RGL1: variants seen among roughly 807,000 people sequenced by gnomAD.
RGL1 encodes the protein ral guanine nucleotide dissociation stimulator-like 1.
RGL1 carries 24 observed loss-of-function variants against 95.2 expected under a neutral mutation model. That is an observed-to-expected ratio of 0.25 (90% CI 0.18 to 0.35). The LOEUF is 0.35. Ranked by LOEUF, RGL1 falls within the 10% of genes least tolerant of loss-of-function variation. RGL1 has a pLI of 1.00. For synonymous variants in RGL1, 329 were observed against 344.9 expected (o/e 0.95, Z 0.51); for missense variants, 715 against 936.3 (o/e 0.76, Z 3.08).
At chr1:183,677,182 A>G (rs994348403) in intron 1 of RGL1, among the ~76,000 whole-genome samples, 6 of 150,968 alleles carry the variant, frequency 4.0e-5, no homozygotes, top group African/African-American at 1.5e-4. Flanking sequence ...CTTATTCCAA[A>G]TCGTATTTTT....
intron 2 of RGL1, among the ~76,000 whole-genome samples, chr1:183,777,271 A>G (rs1659652998): frequency 6.6e-6 from 1 of 152,246 alleles, no homozygotes; most frequent in Non-Finnish European, 1.5e-5. Flanking sequence ...ATTTTCTTGC[A>G]TCAGATGGAT....
chr1:183,782,545 G>C (rs1249764311), intron 2 of RGL1, among the ~76,000 whole-genome samples: 1 of 152,068 alleles, frequency 6.6e-6, no homozygotes, highest in Non-Finnish European at 1.5e-5. Context: ...TCATGGCCTG[G>C]GATTTGGCAC....
At chr1:183,675,233 G>C (rs553528980) in intron 1 of RGL1, among the ~76,000 whole-genome samples, 2 of 151,998 alleles carry the variant, frequency 1.3e-5, no homozygotes, top group Non-Finnish European at 2.9e-5. Context: ...TAGAGCTTTA[G>C]ACTTTATTTT....
At chr1:183,726,311 AAC>A (rs1488140051) in intron 1 of RGL1, among the ~76,000 whole-genome samples, 1 of 152,030 alleles carries the variant, frequency 6.6e-6, no homozygotes, top group African/African-American at 2.4e-5. Flanking sequence ...GAAATAGAGA[AAC>A]AGTGAAGAAC....
At chr1:183,835,239 T>TTTTACAAGTCAGAA (rs144179627) in intron 2 of RGL1, among the ~76,000 whole-genome samples, 13,630 of 152,050 alleles carry the variant, frequency 0.09, 646 homozygotes, top group South Asian at 0.11. Flanking sequence ...TTAAATGTTT[T>TTTTACAAGTCAGAA]TTTACAAGTC....
intron 2 of RGL1, among the ~76,000 whole-genome samples, chr1:183,839,750 C>T (rs1663910480): frequency 6.6e-6 from 1 of 152,198 alleles, no homozygotes; most frequent in Non-Finnish European, 1.5e-5. Flanking sequence ...CCTGCTGGCT[C>T]TCCAGCCAAA....
chr1:183,736,984 G>T (rs552597962), intron 1 of RGL1, among the ~76,000 whole-genome samples: 3 of 152,022 alleles, frequency 2.0e-5, no homozygotes, highest in African/African-American at 7.3e-5. Context: ...AAAAAATAAC[G>T]ATTTGTGAGG....
chr1:183,892,294 T>C, intron 9 of RGL1, 133 bp downstream of exon 9: 2 of 619,688 alleles, frequency 3.2e-6, no homozygotes, highest in South Asian at 5.0e-5. Flanking sequence ...GGCAAAAAAT[T>C]TTTTTAAATG....
chr1:183,918,593 C>T (rs1669130909), intron 16 of RGL1, among the ~76,000 whole-genome samples: 1 of 152,208 alleles, frequency 6.6e-6, no homozygotes, highest in African/African-American at 2.4e-5. Flanking sequence ...ACTGCACAAA[C>T]CTCTACTGCC....
chr1:183,725,017 C>T (rs775406518), intron 1 of RGL1, among the ~76,000 whole-genome samples: 13 of 151,886 alleles, frequency 8.6e-5, no homozygotes, highest in Non-Finnish European at 1.6e-4. Flanking sequence ...GAGAAAGAAA[C>T]GGACTCTGTT....
intron 1 of RGL1, among the ~76,000 whole-genome samples, chr1:183,696,662 T>G (rs1258194727): frequency 6.6e-6 from 1 of 152,210 alleles, no homozygotes; most frequent in African/African-American, 2.4e-5. Flanking sequence ...CAACCTCTTG[T>G]AAATATCTGA....
chr1:183,830,932 A>C (rs180771504), intron 2 of RGL1, among the ~76,000 whole-genome samples: 12 of 152,306 alleles, frequency 7.9e-5, no homozygotes, highest in African/African-American at 2.6e-4. Flanking sequence ...AATAATATGC[A>C]ATTTACTTAC....
chr1:183,690,837 G>A lies in RGL1; in HGVS notation c.-32-51289G>A, dbSNP rs144385874. On this transcript the variant is annotated intron_variant, in intron 1 of 18. Coordinates refer to the RGL1 transcript ENST00000304685. ...TAGTTTTGCTTTTTATACTTAGCAC[G>A]TTAGCATATTTGAAGTTTATGACAT... Among the ~76,000 whole-genome samples the A allele has an allele frequency of 3.0e-3, 459 of 152,010 alleles. 3 individuals are homozygous for A. Among genetic ancestry groups the A allele is most frequent in the African/African-American group, 0.01 (430 of 41,486 alleles).
intron 3 of RGL1, among the ~76,000 whole-genome samples, chr1:183,858,886 T>C (rs1023989575): frequency 6.6e-6 from 1 of 152,232 alleles, no homozygotes; most frequent in Non-Finnish European, 1.5e-5. Context: ...GCCATGATAC[T>C]AAACTCATAT....
chr1:183,830,462 T>C (rs1447943088), intron 2 of RGL1, among the ~76,000 whole-genome samples: 1 of 152,168 alleles, frequency 6.6e-6, no homozygotes, highest in African/African-American at 2.4e-5. Context: ...ACATAGCTGG[T>C]TGATTAGATT....
chr1:183,859,118 T>C (rs1325760340), intron 3 of RGL1, among the ~76,000 whole-genome samples: 2 of 152,236 alleles, frequency 1.3e-5, no homozygotes, highest in South Asian at 2.1e-4. Flanking sequence ...TCCGTCATTG[T>C]AGCCTCATCC....
intron 3 of RGL1, among the ~76,000 whole-genome samples, chr1:183,853,598 G>C (rs541778958): frequency 7.0e-4 from 106 of 152,154 alleles, no homozygotes; most frequent in Admixed American, 5.1e-3. Context: ...TAATTCAGTA[G>C]GTCTTTGAAC....
chr1:183,684,280 C>A (rs1271654491), intron 1 of RGL1, among the ~76,000 whole-genome samples: 1 of 152,140 alleles, frequency 6.6e-6, no homozygotes, highest in Non-Finnish European at 1.5e-5. Context: ...CCTTTTTGTG[C>A]TGGTTTTTCC....
intron 1 of RGL1, among the ~76,000 whole-genome samples, chr1:183,652,792 C>T (rs1650861435): frequency 6.6e-6 from 1 of 152,168 alleles, no homozygotes; most frequent in South Asian, 2.1e-4. Flanking sequence ...GATTTGCTGG[C>T]AGTAAGAACA....
Sources: allele counts gnomAD v4.1 joint callset (sites outside exome capture counted in the v4.1 genomes callset), GRCh38; gene constraint gnomAD v4.1.1; transcripts MANE v1.5; gene names NCBI Gene and HGNC (gene_info 2026-07-23, HGNC 2026-07-21).